The following NHSL1 variants were observed in gnomAD, a reference collection of about 807,000 sequenced individuals.
The protein encoded by NHSL1 is NHS like 1, also known as NHS-like protein 1.
A neutral mutation model predicts 95.0 loss-of-function variants in NHSL1; 48 were observed. The observed-to-expected ratio is 0.51, with a 90% CI of 0.40 to 0.64. The LOEUF (loss-of-function observed/expected upper bound fraction) is 0.64. Ranked by LOEUF, NHSL1 falls within the 30% of genes least tolerant of loss-of-function variation. The pLI is 0.00. For synonymous variants in NHSL1, 783 were observed against 833.9 expected (o/e 0.94, Z 1.05); for missense variants, 1,971 against 2,077.7 (o/e 0.95, Z 1.00).
intron 1 of NHSL1, among the ~76,000 whole-genome samples, chr6:138,666,653 G>A (rs1785299396): frequency 6.7e-6 from 1 of 150,138 alleles, no homozygotes; most frequent in Non-Finnish European, 1.5e-5. Flanking sequence ...GGAAAACTGT[G>A]AGACATATTG....
upstream of NHSL1, among the ~76,000 whole-genome samples, chr6:138,574,071 G>C (rs953569147): frequency 1.3e-5 from 2 of 152,188 alleles, no homozygotes; most frequent in Non-Finnish European, 2.9e-5. Flanking sequence ...GGGACCACAG[G>C]CGCCTGCCAC....
At chr6:138,544,684 G>A (rs897177847) in intron 1 of NHSL1, among the ~76,000 whole-genome samples, 10 of 152,046 alleles carry the variant, frequency 6.6e-5, no homozygotes, top group African/African-American at 2.4e-4. Flanking sequence ...CCCATCAACA[G>A]AATGACATAC....
intron 5 of NHSL1, 53 bp downstream of exon 5, chr6:138,441,930 G>A: frequency 6.7e-7 from 1 of 1,498,676 alleles, no homozygotes; most frequent in Non-Finnish European, 8.9e-7. Context: ...GGTTAGCGCA[G>A]TAAGGCCGAG....
intron 1 of NHSL1, among the ~76,000 whole-genome samples, chr6:138,585,504 T>C (rs1197041634): frequency 6.6e-6 from 1 of 152,200 alleles, no homozygotes; most frequent in Non-Finnish European, 1.5e-5. Flanking sequence ...TATAGCTACC[T>C]TACCTCATAA....
upstream of NHSL1, among the ~76,000 whole-genome samples, chr6:138,550,310 A>G (rs1486655991): frequency 6.6e-6 from 1 of 152,230 alleles, no homozygotes; most frequent in East Asian, 1.9e-4. Flanking sequence ...ATAAAACATG[A>G]AAAGGCACAC....
intron 1 of NHSL1, among the ~76,000 whole-genome samples, chr6:138,682,376 A>G (rs1032619940): frequency 6.6e-6 from 1 of 152,326 alleles, no homozygotes; most frequent in Non-Finnish European, 1.5e-5. Flanking sequence ...TCATTATTTT[A>G]TATGTGTAGG....
At chr6:138,656,306 A>G (rs544885482) in intron 1 of NHSL1, among the ~76,000 whole-genome samples, 8 of 152,222 alleles carry the variant, frequency 5.3e-5, no homozygotes, top group Non-Finnish European at 1.2e-4. Flanking sequence ...TTAAAAATGC[A>G]TTAACTCCAA....
rs1481556515 is a variant in NHSL1 at position 138,423,024 on chromosome 6, T to C, written c.*1057A>G. On this transcript the variant is annotated 3_prime_UTR_variant, in exon 8 of 8. Coordinates refer to ENST00000343505, the MANE Select transcript of NHSL1 (RefSeq NM_001144060.2). The stretch of plus-strand genomic sequence containing the variant: ...TTTTTCTTTGGTGTAACCAAAAGGA[T>C]ATCCAAAAGTTAGCAAATGTTGACA... 6.8e-6 allele frequency: 1 copy of C among 146,178 alleles called. No homozygotes were observed. The highest frequency in any genetic ancestry group is 1.5e-5 in the Non-Finnish European group (1 of 67,106). The allele number at this position is 146,178 out of a possible 1,614,324, so 9.1% of individuals were successfully genotyped here. A position where few individuals can be genotyped will look rare whatever the true frequency, so the allele number is the denominator to read the frequency against.
chr6:138,688,998 T>C (rs1785624556), intron 1 of NHSL1, among the ~76,000 whole-genome samples: 1 of 152,238 alleles, frequency 6.6e-6, no homozygotes, highest in Non-Finnish European at 1.5e-5. Flanking sequence ...ACTGTATTTT[T>C]AGTAGGGACG....
rs1001778580 is a variant in NHSL1 at position 138,464,322 on chromosome 6, T to G, written c.339+8984A>C. The G allele has an allele frequency of 6.1e-5, 37 of 610,282 alleles. No individual in the cohort carries two copies. In the African/African-American group the frequency reaches 6.4e-4, roughly 11 times the overall value. 37.8% of individuals were successfully genotyped at this position (610,282 alleles called of 1,614,324 possible). On this transcript the variant is annotated intron_variant, in intron 3 of 7. Coordinates refer to ENST00000343505, the MANE Select transcript of NHSL1 (RefSeq NM_001144060.2). ...GCGGACTGGGCCCTCAGCGCCACAC[T>G]CCTGGAGCTCCACGGCCTGGAGGCC...
At chr6:138,531,790 A>T (rs903844934) in intron 1 of NHSL1, among the ~76,000 whole-genome samples, 1 of 152,178 alleles carries the variant, frequency 6.6e-6, no homozygotes, top group Non-Finnish European at 1.5e-5. Flanking sequence ...TGGGATTACA[A>T]GTGTGAGCCA....
intron 1 of NHSL1, among the ~76,000 whole-genome samples, chr6:138,630,499 C>T (rs1784804939): frequency 6.6e-6 from 1 of 152,030 alleles, no homozygotes; most frequent in Non-Finnish European, 1.5e-5. Context: ...GATTCTCCTG[C>T]CTCAGCCTCC....
intron 1 of NHSL1, among the ~76,000 whole-genome samples, chr6:138,570,755 C>T (rs979640262): frequency 6.6e-6 from 1 of 152,228 alleles, no homozygotes; most frequent in Admixed American, 6.5e-5. Flanking sequence ...GGGGGAAGCA[C>T]AGGTCCCTGA....
chr6:138,554,594 A>G (rs1293247585), intron 1 of NHSL1, among the ~76,000 whole-genome samples: 1 of 152,234 alleles, frequency 6.6e-6, no homozygotes, highest in Non-Finnish European at 1.5e-5. Flanking sequence ...AGATATTAAG[A>G]GCAAGGTACG....
intron 1 of NHSL1, among the ~76,000 whole-genome samples, chr6:138,521,198 G>A (rs1583348434): frequency 6.6e-6 from 1 of 152,152 alleles, no homozygotes; most frequent in East Asian, 1.9e-4. Context: ...TTTCCTTTTT[G>A]TCTTTAAAAG....
At chr6:138,576,482 T>C (rs375453209), upstream of NHSL1, among the ~76,000 whole-genome samples, 83 of 152,300 alleles carry the variant, frequency 5.4e-4, 2 homozygotes, top group Middle Eastern at 0.01. Context: ...GGCTGCCCCC[T>C]CCCCTCTCAC....
intron 1 of NHSL1, among the ~76,000 whole-genome samples, chr6:138,660,166 T>C (rs1382439627): frequency 6.6e-6 from 1 of 152,256 alleles, no homozygotes; most frequent in African/African-American, 2.4e-5. Flanking sequence ...TAACTACAGC[T>C]AGCAGGAGGA....
At chr6:138,544,290 C>T (rs1456854467) in intron 1 of NHSL1, among the ~76,000 whole-genome samples, 1 of 152,018 alleles carries the variant, frequency 6.6e-6, no homozygotes, top group Admixed American at 6.6e-5. Context: ...GCTCATAATG[C>T]CTTTCATCTA....
chr6:138,496,334 G>A lies in NHSL1; in HGVS notation c.96C>T (p.Val32=), dbSNP rs1275710337. ...GCTGGTGCCACGGGGCAGTGTAGTG[G>A]ACTGTCCATCGGCTTTCCTCATCTA... ...SNLDEESRWT[V]HYTAPWHQQE... is the part of the protein sequence containing the mutation. Residue 32 remains valine, a synonymous_variant, in exon 2 of 8, where the codon GTC becomes GTT. Transcript: ENST00000343505. 6.4e-7 allele frequency: 1 copy of A among 1,550,418 alleles called. No homozygotes were observed. The highest frequency in any genetic ancestry group is 8.7e-7 in the Non-Finnish European group (1 of 1,146,904).
Sources: gnomAD v4.1 joint callset for allele counts (sites outside exome capture counted in the v4.1 genomes callset) on GRCh38, gnomAD v4.1.1 for gene constraint, MANE v1.5 for transcripts, NCBI Gene and HGNC (gene_info 2026-07-23, HGNC 2026-07-21) for gene names.